Variants in FBXL12 observed in about 807,000 individuals in gnomAD.
FBXL12 encodes the protein F-box and leucine rich repeat protein 12.
FBXL12 carries 22 observed loss-of-function variants against 24.9 expected under a neutral mutation model. The ratio of observed to expected loss-of-function variants is 0.88; its 90% CI spans 0.63 to 1.26. FBXL12 has a LOEUF of 1.26. Ranked by LOEUF, FBXL12 falls within the 50% of genes most tolerant of loss-of-function variation. FBXL12 has a pLI of 0.00. For synonymous variants in FBXL12, 193 were observed against 193.8 expected (o/e 1.00, Z 0.03); for missense variants, 384 against 434.1 (o/e 0.88, Z 1.03).
At chr19:9,818,689 C>A in intron 1 of FBXL12, 39 bp downstream of exon 1, 2 of 1,544,136 alleles carry the variant, frequency 1.3e-6, no homozygotes, top group Non-Finnish European at 1.8e-6. Flanking sequence ...GCCAGCTGCG[C>A]CCTCCGCCCT....
intron 2 of FBXL12, chr19:9,813,502 A>ATTTTT: frequency 6.5e-6 from 1 of 153,302 alleles, no homozygotes; most frequent in Non-Finnish European, 1.2e-5. Flanking sequence ...TGCCCGGCTA[A>ATTTTT]TTTTTTTTTT....
In FBXL12 at chr19:9,811,538, G is replaced by C. The variant is rs756787537; in HGVS notation, c.339C>G (p.Asp113Glu). The change falls in exon 3 of 3, where the codon GAC (aspartate) becomes GAG (glutamate). Residue 113 changes from aspartate to glutamate, a missense_variant. Physicochemically the swap from Asp to Glu is conservative, Grantham distance 45. Coordinates refer to ENST00000247977, the MANE Select transcript of FBXL12 (RefSeq NM_017703.3). The surrounding 1 kb of genome is among the most constrained non-coding windows in gnomAD (Gnocchi z 6.0). ...NLKRLCLHVA[D>E]LSMVPITSLP... is the part of the protein sequence containing the mutation. ...GGCTGGTGATGGGCACCATGCTCAG[G>C]TCGGCCACGTGCAGGCAGAGGCGCT... 18 of 1,610,810 alleles carry C rather than the reference G, an allele frequency of 1.1e-5. No homozygotes were observed. The South Asian group carries it at 2.0e-4, about 18-fold the overall frequency.
At position 9,811,795 on chromosome 19, in the gene FBXL12, A is replaced by C; in HGVS notation, c.160-78T>G. The C allele has an allele frequency of 1.6e-6, 2 of 1,241,028 alleles. No individual in the cohort carries two copies. Among genetic ancestry groups the C allele is most frequent in the Non-Finnish European group, 1.1e-6 (1 of 932,476 alleles). 76.9% of individuals were successfully genotyped at this position (1,241,028 alleles called of 1,614,324 possible). ...GCCCCTGCTGGGCTGGAGACACACAACCCCGGGGTGGGGGATTCTGGTGCC... is the reference window on the plus strand; with the variant it reads ...GCCCCTGCTGGGCTGGAGACACACACCCCCGGGGTGGGGGATTCTGGTGCC... On this transcript the variant is annotated intron_variant, in intron 2 of 2. Coordinates refer to ENST00000247977, the MANE Select transcript of FBXL12 (RefSeq NM_017703.3). This position sits in a 1 kb window ranked among gnomAD's most constrained non-coding sequence, Gnocchi z 6.0.
At position 9,818,716 on chromosome 19, in the gene FBXL12, G is replaced by T. The variant is rs950833078; in HGVS notation, c.86+12C>A. 1 of 1,544,336 alleles carries T rather than the reference G, an allele frequency of 6.5e-7. No individual in the cohort carries two copies. The highest frequency in any genetic ancestry group is 2.0e-5 in the Admixed American group (1 of 50,906). The stretch of plus-strand genomic sequence containing the variant: ...CTCCGCCCTGCCCTTCCCCCCGGAG[G>T]CGGGGCCGCACCTGGAGATGCGGAT... On this transcript the variant is annotated intron_variant, in intron 1 of 2. Transcript: ENST00000247977.
chr19:9,810,901 T>C lies in FBXL12; in HGVS notation c.976A>G (p.Met326Val), dbSNP rs1203627250. 1.1e-5 allele frequency: 17 copies of C among 1,579,110 alleles called. No homozygotes were observed. Among genetic ancestry groups the C allele is most frequent in the Non-Finnish European group, 1.5e-5 (17 of 1,154,962 alleles). The part of the protein sequence containing the change: ...ACPKESMDWW[M>V] ...CCCAAGGGCAGGTGGAGTAGTTACA[T>C]CCACCAGTCCATAGACTCTTTGGGG... Residue 326 changes from methionine to valine, a missense_variant, in exon 3 of 3, where the codon ATG (methionine) becomes GTG (valine). Met to Val is a conservative substitution (Grantham distance 21). Coordinates refer to ENST00000247977, the MANE Select transcript of FBXL12 (RefSeq NM_017703.3).
chr19:9,816,539 T>C (rs2045888919), intron 2 of FBXL12, among the ~76,000 whole-genome samples: 1 of 152,208 alleles, frequency 6.6e-6, no homozygotes, highest in Non-Finnish European at 1.5e-5. Context: ...AAGAGTCACC[T>C]TTACTCCAGT....
In FBXL12 at chr19:9,811,123, G is replaced by A. The variant is rs775107599; in HGVS notation, c.754C>T (p.Pro252Ser). The change falls in exon 3 of 3, where the codon CCG (proline) becomes TCG (serine). Residue 252 changes from proline (P) to serine (S), a missense_variant. Physicochemically the swap from Pro to Ser is moderately conservative, Grantham distance 74. Transcript: ENST00000247977. This position sits in a 1 kb window ranked among gnomAD's most constrained non-coding sequence, Gnocchi z 6.0. ...TGCAGGCACAGACTCTCCAGGGCCGGCATTCCCTCCAGCACAGCCAGGCCA... is the reference window on the plus strand; with the variant it reads ...TGCAGGCACAGACTCTCCAGGGCCGACATTCCCTCCAGCACAGCCAGGCCA... The part of the protein sequence containing the change: ...APGLAVLEGM[P>S]ALESLCLQGP... The A allele has an allele frequency of 1.2e-6, 2 of 1,604,960 alleles. No individual in the cohort carries two copies. The highest frequency in any genetic ancestry group is 2.2e-5 in the South Asian group (2 of 90,864).
intron 2 of FBXL12, among the ~76,000 whole-genome samples, chr19:9,815,170 T>C (rs1239147464): frequency 1.3e-5 from 2 of 152,168 alleles, no homozygotes; most frequent in Non-Finnish European, 1.5e-5. Context: ...ATGGGAGAAA[T>C]TGGCCAAAAC....
chr19:9,816,298 AT>A (rs1282462803), intron 2 of FBXL12, among the ~76,000 whole-genome samples: 1 of 152,160 alleles, frequency 6.6e-6, no homozygotes, highest in Non-Finnish European at 1.5e-5. Flanking sequence ...TCCCTAGAAA[AT>A]GGGTTTTTCT....
Position 9,818,586 on chromosome 19 carries a change from C to T in FBXL12, c.118G>A (p.Asp40Asn). The change falls in exon 2 of 3, where the codon GAC becomes AAC. Residue 40 changes from aspartate to asparagine, a missense_variant. Transcript: ENST00000247977. Reference protein sequence around the residue: ...VCHRWKRLVDDRWLWRHVDLT... With the variant: ...VCHRWKRLVDNRWLWRHVDLT... Reference sequence around the variant, plus strand: ...TCGACATGTCGCCACAGCCACCGGTCGTCCACCAGCCTCTTCCAGCGGTGA... The same window carrying T: ...TCGACATGTCGCCACAGCCACCGGTTGTCCACCAGCCTCTTCCAGCGGTGA... 1 of 1,554,588 alleles carries T rather than the reference C, an allele frequency of 6.4e-7. No homozygotes were observed. The highest frequency in any genetic ancestry group is 8.7e-7 in the Non-Finnish European group (1 of 1,150,896).
In FBXL12 at chr19:9,818,996, C is replaced by T. The variant is rs777580105; in HGVS notation, c.-183G>A. 3.5e-4 allele frequency: 216 copies of T among 623,908 alleles called. 1 individual carries two copies. The highest frequency in any genetic ancestry group is 4.9e-4 in the Non-Finnish European group (174 of 353,580). The allele number at this position is 623,908 out of a possible 1,614,324, so 38.6% of individuals were successfully genotyped here. On this transcript the variant is annotated 5_prime_UTR_variant, in exon 1 of 3. Transcript: ENST00000247977. ...CCAGCCGCGGATGGGGACCAGAAAC[C>T]AGCCTGGAAAGCGTGGCTGAGGCAG... is the stretch of plus-strand genomic sequence containing the variant.
At position 9,811,162 on chromosome 19, in the gene FBXL12, C is replaced by T; in HGVS notation, c.715G>A (p.Gly239Ser). The stretch of plus-strand genomic sequence containing the variant: ...ACAGCCAGGCCAGGGGCAGAGAGGC[C>T]CCTCACGGTCAGCCGGATCTTGCGC... ...DVRKIRLTVRGLSAPGLAVLE... is the reference protein window; with the variant it reads ...DVRKIRLTVRSLSAPGLAVLE... The change falls in exon 3 of 3, where the codon GGC (glycine) becomes AGC (serine). Residue 239 changes from glycine to serine, a missense_variant. Coordinates refer to ENST00000247977, the MANE Select transcript of FBXL12 (RefSeq NM_017703.3). The surrounding 1 kb of genome is among the most constrained non-coding windows in gnomAD (Gnocchi z 6.0). 2 of 1,607,400 alleles carry T rather than the reference C, an allele frequency of 1.2e-6. No individual in the cohort carries two copies. Among genetic ancestry groups the T allele is most frequent in the South Asian group, 2.2e-5 (2 of 90,918 alleles).
chr19:9,815,877 G>A (rs2045871752), intron 2 of FBXL12, among the ~76,000 whole-genome samples: 1 of 152,152 alleles, frequency 6.6e-6, no homozygotes. Context: ...TTGAACTCCT[G>A]ACCTCAAGTG....
Position 9,811,479 on chromosome 19 carries a change from C to T in FBXL12, c.398G>A (p.Ser133Asn). 1 of 1,613,814 alleles carries T rather than the reference C, an allele frequency of 6.2e-7. No individual in the cohort carries two copies. The highest frequency in any genetic ancestry group is 1.7e-4 in the Middle Eastern group (1 of 6,060). Residue 133 changes from serine (S) to asparagine (N), a missense_variant, in exon 3 of 3, where the codon AGC (serine) becomes AAC (asparagine). By Grantham distance (46) the Ser-to-Asn change is conservative (BLOSUM62 1). Transcript: ENST00000247977. The surrounding 1 kb of genome is among the most constrained non-coding windows in gnomAD (Gnocchi z 6.0). ...PSTLRTLELH[S>N]CEISMAWLHK... ...GAGCCAGGCCATGGAGATCTCGCAGCTGTGCAGCTCCAGGGTCCTCAAGGT... is the reference window on the plus strand; with the variant it reads ...GAGCCAGGCCATGGAGATCTCGCAGTTGTGCAGCTCCAGGGTCCTCAAGGT...
At chr19:9,814,173 C>T (rs954165102) in intron 2 of FBXL12, 2 of 168,886 alleles carry the variant, frequency 1.2e-5, no homozygotes, top group African/African-American at 2.4e-5. Flanking sequence ...AAAATCATGG[C>T]AGGAGGTGAA....
rs903596088 is a variant in FBXL12 at position 9,818,918 on chromosome 19, T to C, written c.-105A>G. 2 of 1,091,766 alleles carry C rather than the reference T, an allele frequency of 1.8e-6. No homozygotes were observed. Among genetic ancestry groups the C allele is most frequent in the Non-Finnish European group, 1.3e-6 (1 of 759,390 alleles). 67.6% of individuals were successfully genotyped at this position (1,091,766 alleles called of 1,614,324 possible). The stretch of plus-strand genomic sequence containing the variant: ...GCGGCCGCGACCTTCCCGTAGCCGG[T>C]CGAGAAATTTGACCTTCCTCTCGCT... On this transcript the variant is annotated 5_prime_UTR_variant, in exon 1 of 3. Transcript: ENST00000247977.
chr19:9,816,094 G>A lies in FBXL12; in HGVS notation c.159+2451C>T, dbSNP rs115647096. ...TACAGCTGGAGCAGCTAGGGCACAG[G>A]ACACCAAGTCCCAGGGTGAACATAG... On this transcript the variant is annotated intron_variant, in intron 2 of 2. Coordinates refer to ENST00000247977, the MANE Select transcript of FBXL12 (RefSeq NM_017703.3). 7.2e-3 allele frequency among the ~76,000 whole-genome samples: 1,098 copies of A among 152,286 alleles called. 17 individuals carry two copies. Among genetic ancestry groups the A allele is most frequent in the African/African-American group, 0.025 (1,020 of 41,556 alleles).
In FBXL12 at chr19:9,810,677, A is replaced by T. The variant is rs1270099008; in HGVS notation, c.*219T>A. ...TAGCTATGATCATCCTTATTTCCAG[A>T]TGTGGGAACTAGGCTTCCCAGAGGC... On this transcript the variant is annotated 3_prime_UTR_variant, in exon 3 of 3. Transcript: ENST00000247977. The T allele has an allele frequency of 4.4e-6, 2 of 450,698 alleles. No individual in the cohort carries two copies. Among genetic ancestry groups the T allele is most frequent in the Admixed American group, 3.6e-5 (1 of 27,950 alleles). The allele number at this position is 450,698 out of a possible 1,614,324, so 27.9% of individuals were successfully genotyped here. A position where few individuals can be genotyped will look rare whatever the true frequency, so the allele number is the denominator to read the frequency against.
chr19:9,810,740 G>C lies in FBXL12; in HGVS notation c.*156C>G, dbSNP rs1478979743. 7 of 557,518 alleles carry C rather than the reference G, an allele frequency of 1.3e-5. No homozygotes were observed. The South Asian group carries it at 2.0e-4, about 16-fold the overall frequency. 34.5% of individuals were successfully genotyped at this position (557,518 alleles called of 1,614,324 possible). A position where few individuals can be genotyped will look rare whatever the true frequency, so the allele number is the denominator to read the frequency against. On this transcript the variant is annotated 3_prime_UTR_variant, in exon 3 of 3. Coordinates refer to ENST00000247977, the MANE Select transcript of FBXL12 (RefSeq NM_017703.3). ...CAAGGCCACACAGCTGGCAAACAGT[G>C]ATTCCAATGGTCTGGAGGTCCCTAG... is the stretch of plus-strand genomic sequence containing the variant.
Sources: gnomAD v4.1 joint callset for allele counts (sites outside exome capture counted in the v4.1 genomes callset) on GRCh38, gnomAD v4.1.1 for gene constraint, Gnocchi (gnomAD v3.1) non-coding constraint, MANE v1.5 for transcripts, NCBI Gene and HGNC (gene_info 2026-07-23, HGNC 2026-07-21) for gene names.